Variants in PTGFR observed in about 807,000 individuals in gnomAD.
The protein encoded by PTGFR is prostaglandin F receptor.
In PTGFR, 15 loss-of-function variants were observed where a neutral mutation model predicts 26.2. The ratio of observed to expected loss-of-function variants is 0.57; its 90% confidence interval spans 0.38 to 0.88. The LOEUF is 0.88. PTGFR is among the 40% of genes least tolerant of loss of function. PTGFR has a pLI of 0.00. For synonymous variants in PTGFR, 165 were observed against 151.1 expected (o/e 1.09, Z -0.68); for missense variants, 369 against 427.2 (o/e 0.86, Z 1.20).
intron 2 of PTGFR, among the ~76,000 whole-genome samples, chr1:78,529,803 C>T (rs494196): frequency 0.043 from 6,483 of 152,242 alleles, 456 homozygotes; most frequent in African/African-American, 0.15. Context: ...ATGTGAGTGG[C>T]AGGTGAGCAA....
chr1:78,530,601 C>T (rs1386788011), intron 2 of PTGFR, among the ~76,000 whole-genome samples: 1 of 152,078 alleles, frequency 6.6e-6, no homozygotes, highest in African/African-American at 2.4e-5. Flanking sequence ...TGACCTAGAG[C>T]AAGTTAACCT....
intron 2 of PTGFR, among the ~76,000 whole-genome samples, chr1:78,504,657 C>T (rs1264641075): frequency 3.3e-5 from 5 of 152,000 alleles, no homozygotes; most frequent in African/African-American, 1.2e-4. Context: ...TCAGTATTTA[C>T]CTCTTTTTTT....
intron 2 of PTGFR, among the ~76,000 whole-genome samples, chr1:78,517,888 T>G (rs72933651): frequency 1.2e-3 from 188 of 152,308 alleles, no homozygotes; most frequent in African/African-American, 4.3e-3. Flanking sequence ...TTCGGAAATT[T>G]TTTTTGTTAG....
At chr1:78,506,621 C>A (rs756604404) in intron 2 of PTGFR, among the ~76,000 whole-genome samples, 1 of 151,690 alleles carries the variant, frequency 6.6e-6, no homozygotes, top group Admixed American at 6.6e-5. Context: ...TAAGTAAATT[C>A]TCAGTAAAAA....
At chr1:78,511,962 G>A (rs766636576) in intron 2 of PTGFR, among the ~76,000 whole-genome samples, 4 of 152,154 alleles carry the variant, frequency 2.6e-5, no homozygotes, top group Non-Finnish European at 5.9e-5. Context: ...CCTAGGACAT[G>A]AATACAATAC....
At chr1:78,503,213 T>G (rs12091390) in intron 2 of PTGFR, among the ~76,000 whole-genome samples, 19,139 of 151,898 alleles carry the variant, frequency 0.13, 2,091 homozygotes, top group African/African-American at 0.31. Flanking sequence ...TTTCAAGTAA[T>G]AAAATATGAG....
intron 2 of PTGFR, among the ~76,000 whole-genome samples, chr1:78,497,140 T>G (rs1193127546): frequency 6.6e-6 from 1 of 152,142 alleles, no homozygotes; most frequent in Non-Finnish European, 1.5e-5. Context: ...GGGGAAAATG[T>G]GCTTTCCTCC....
intron 2 of PTGFR, among the ~76,000 whole-genome samples, chr1:78,509,918 A>G (rs2100368221): frequency 6.6e-6 from 1 of 152,330 alleles, no homozygotes; most frequent in East Asian, 1.9e-4. Context: ...CTCAGGTATG[A>G]ATTGACATTA....
intron 2 of PTGFR, among the ~76,000 whole-genome samples, chr1:78,514,812 TCTCA>T (rs1370990687): frequency 2.0e-5 from 3 of 152,054 alleles, no homozygotes; most frequent in East Asian, 3.9e-4. Context: ...ATAAGTGAGT[TCTCA>T]CTCAGTTCAT....
intron 2 of PTGFR, among the ~76,000 whole-genome samples, chr1:78,516,252 G>A (rs568835243): frequency 6.6e-6 from 1 of 152,270 alleles, no homozygotes; most frequent in South Asian, 2.1e-4. Flanking sequence ...TTATGACTAT[G>A]TATGTTCAGA....
chr1:78,525,237 A>G (rs1650344148), intron 2 of PTGFR, among the ~76,000 whole-genome samples: 1 of 151,922 alleles, frequency 6.6e-6, no homozygotes, highest in Non-Finnish European at 1.5e-5. Context: ...AGTCCCCCAG[A>G]AGACTGCCCT....
In PTGFR at chr1:78,540,416, G is replaced by A. The variant is rs192456754; in HGVS notation, c.*3729G>A. ...TTCCTAATAGCATTTAAACAGAAACGATTTTTAAAAGTTGTTTTAAACATT... is the reference window on the plus strand; with the variant it reads ...TTCCTAATAGCATTTAAACAGAAACAATTTTTAAAAGTTGTTTTAAACATT... On this transcript the variant is annotated 3_prime_UTR_variant, in exon 3 of 3. Transcript: ENST00000370757. Among the ~76,000 whole-genome samples, 1 of 152,086 alleles carries A rather than the reference G, an allele frequency of 6.6e-6. No individual in the cohort carries two copies. Among genetic ancestry groups the A allele is most frequent in the East Asian group, 1.9e-4 (1 of 5,172 alleles).
chr1:78,510,236 G>A (rs996213249), intron 2 of PTGFR, among the ~76,000 whole-genome samples: 1 of 152,098 alleles, frequency 6.6e-6, no homozygotes, highest in Non-Finnish European at 1.5e-5. Flanking sequence ...ATTTTTGCAT[G>A]ACTAGAAAGG....
chr1:78,527,843 C>T (rs963358278), intron 2 of PTGFR, among the ~76,000 whole-genome samples: 1 of 152,120 alleles, frequency 6.6e-6, no homozygotes, highest in African/African-American at 2.4e-5. Flanking sequence ...TTGGTATTTA[C>T]TGAATGCCAG....
In PTGFR at chr1:78,493,061, C is replaced by T; in HGVS notation, c.318C>T (p.Val106=). 6.2e-7 allele frequency: 1 copy of T among 1,614,216 alleles called. No homozygotes were observed. Among genetic ancestry groups the T allele is most frequent in the Non-Finnish European group, 8.5e-7 (1 of 1,180,046 alleles). The change falls in exon 2 of 3, where the codon GTC becomes GTT. Residue 106 remains valine (V), a synonymous_variant. Coordinates refer to ENST00000370757, the MANE Select transcript of PTGFR (RefSeq NM_000959.4). ...GGATCCGCTTTGACCAATCAAATGT[C>T]CTTTGCAGTATTTTTGGTATCTGCA... ...KEWIRFDQSN[V]LCSIFGICMV...
intron 2 of PTGFR, among the ~76,000 whole-genome samples, chr1:78,534,757 G>A (rs770587224): frequency 6.6e-5 from 10 of 151,738 alleles, no homozygotes; most frequent in East Asian, 3.9e-4. Context: ...CTTTTTAAAA[G>A]GTTAACACTG....
rs181558876 is a variant in PTGFR at position 78,501,310 on chromosome 1, T to C, written c.798+7769T>C. Among the ~76,000 whole-genome samples the C allele has an allele frequency of 2.6e-5, 4 of 152,352 alleles. No homozygotes were observed. The East Asian group carries it at 5.8e-4, about 22-fold the overall frequency. ...AAGTATATAAATTGTATTCCATTTA[T>C]ATTTGTTTTGGAAGTCATGTATAGC... On this transcript the variant is annotated intron_variant, in intron 2 of 2. Transcript: ENST00000370757.
intron 2 of PTGFR, among the ~76,000 whole-genome samples, chr1:78,525,256 A>G (rs541462910): frequency 6.6e-6 from 1 of 152,138 alleles, no homozygotes; most frequent in South Asian, 2.1e-4. Flanking sequence ...CTAACTTCAG[A>G]CACCATCTGC....
chr1:78,493,507 T>C lies in PTGFR; in HGVS notation c.764T>C (p.Met255Thr), dbSNP rs770470716. ...LEMVIQLLAIMCVSCICWSPF... is the reference protein window; with the variant it reads ...LEMVIQLLAITCVSCICWSPF... ...ATGGTAATCCAGCTCCTGGCGATAA[T>C]GTGTGTCTCCTGTATTTGTTGGAGC... Residue 255 changes from methionine to threonine, a missense_variant, in exon 2 of 3, where the codon ATG becomes ACG. Transcript: ENST00000370757. The C allele has an allele frequency of 2.6e-6, 4 of 1,567,996 alleles. No homozygotes were observed. The highest frequency in any genetic ancestry group is 3.5e-6 in the Non-Finnish European group (4 of 1,158,504).
Sources: gnomAD v4.1 joint callset for allele counts (sites outside exome capture counted in the v4.1 genomes callset) on GRCh38, gnomAD v4.1.1 for gene constraint, MANE v1.5 for transcripts, NCBI Gene and HGNC (gene_info 2026-07-23, HGNC 2026-07-21) for gene names.